The following AQP9 variants were observed in gnomAD, a reference collection of about 807,000 sequenced individuals.
The protein encoded by AQP9 is aquaporin-9.
AQP9 carries 19 observed loss-of-function variants against 23.8 expected under a neutral mutation model. That is an observed-to-expected ratio of 0.80 (90% CI 0.56 to 1.17). AQP9 has a LOEUF of 1.17. Among genes scored for constraint, AQP9 ranks in the 50% most tolerant of loss-of-function variants. AQP9 has a pLI of 0.00. For synonymous variants in AQP9, 153 were observed against 131.5 expected, an observed-to-expected ratio of 1.16 and a Z score of -1.12; for missense variants, 413 against 362.0, an observed-to-expected ratio of 1.14 and a Z score of -1.14.
chr15:58,152,151 C>G (rs1291816450), intron 1 of AQP9: 1 of 152,078 alleles, frequency 6.6e-6, no homozygotes, highest in African/African-American at 2.4e-5. Flanking sequence ...GAGTCCATAG[C>G]CGAATTATAT....
chr15:58,165,519 G>A (rs2140616150), intron 1 of AQP9, among the ~76,000 whole-genome samples: 1 of 152,284 alleles, frequency 6.6e-6, no homozygotes, highest in Non-Finnish European at 1.5e-5. Flanking sequence ...GAGAGATCAT[G>A]TACATAAAAA....
At chr15:58,151,343 A>G (rs957584123) in intron 1 of AQP9, 1 of 152,260 alleles carries the variant, frequency 6.6e-6, no homozygotes, top group South Asian at 2.1e-4. Flanking sequence ...TATTATTCCA[A>G]CAATTATACT....
Position 58,138,537 on chromosome 15 carries a change from G to C in AQP9, c.-29G>C, listed in dbSNP as rs1363624188. ...GGACCACAACAGGTAGGTATTGGTA[G>C]AAACAGGAGTCCTCAGAGAAGCCCC... On this transcript the variant is annotated 5_prime_UTR_variant, in exon 1 of 6. Transcript: ENST00000219919. 1 of 1,591,298 alleles carries C rather than the reference G, an allele frequency of 6.3e-7. No homozygotes were observed.
chr15:58,147,900 A>ACACG (rs1421437675), intron 1 of AQP9, among the ~76,000 whole-genome samples: 1 of 151,988 alleles, frequency 6.6e-6, no homozygotes, highest in Non-Finnish European at 1.5e-5. Context: ...GCACACACAC[A>ACACG]CACACACATA....
chr15:58,139,867 G>T (rs888816333), intron 1 of AQP9, among the ~76,000 whole-genome samples: 6 of 152,148 alleles, frequency 3.9e-5, no homozygotes, highest in African/African-American at 1.4e-4. Context: ...ATTCCTGGCT[G>T]CTCTGACCAC....
rs553588783 is a variant in AQP9 at position 58,180,194 on chromosome 15, G to A, written c.713+849G>A. 2.0e-5 allele frequency among the ~76,000 whole-genome samples: 3 copies of A among 152,232 alleles called. No homozygotes were observed. In the South Asian group the frequency reaches 6.2e-4, roughly 32 times the overall value. On this transcript the variant is annotated intron_variant, in intron 5 of 5. Coordinates refer to ENST00000219919, the MANE Select transcript of AQP9 (RefSeq NM_020980.5). ...ATCCACCCATGGCAACTTCCTATGG[G>A]GAAGGAGCTCACTTTGGTTCATCAG...
rs773508483 is a variant in AQP9 at position 58,173,037 on chromosome 15, G to C, written c.239-31G>C. ...TTCTGTATATTCTTCTTCCTAACCT[G>C]CCCTCTCACTTCTCCAATCTTCCCT... On this transcript the variant is annotated intron_variant, in intron 2 of 5. Transcript: ENST00000219919. The C allele has an allele frequency of 8.1e-6, 13 of 1,612,936 alleles. No homozygotes were observed. In the South Asian group the frequency reaches 1.4e-4, roughly 18 times the overall value.
intron 5 of AQP9, 150 bp from the exon 6 acceptor site, chr15:58,183,811 A>T (rs3742956): frequency 0.25 from 190,623 of 751,446 alleles, 26,163 homozygotes; most frequent in Middle Eastern, 0.33. Context: ...GGCAGTTGCC[A>T]TGCTGCACTG....
At chr15:58,167,145 T>A (rs182358920) in intron 2 of AQP9, among the ~76,000 whole-genome samples, 1 of 152,194 alleles carries the variant, frequency 6.6e-6, no homozygotes, top group Non-Finnish European at 1.5e-5. Flanking sequence ...AATAGCCCAG[T>A]GAAGGTCACT....
chr15:58,175,572 C>T (rs1898733803), intron 4 of AQP9, among the ~76,000 whole-genome samples: 4 of 152,208 alleles, frequency 2.6e-5, no homozygotes, highest in Admixed American at 2.6e-4. Context: ...ACCAATAGCA[C>T]ACCTATTTGG....
At chr15:58,140,864 T>C (rs1897938980) in intron 1 of AQP9, among the ~76,000 whole-genome samples, 1 of 152,100 alleles carries the variant, frequency 6.6e-6, no homozygotes, top group African/African-American at 2.4e-5. Flanking sequence ...TCTAACACCA[T>C]GGTATAAATT....
chr15:58,141,330 C>T (rs1477728533), intron 1 of AQP9, among the ~76,000 whole-genome samples: 1 of 152,212 alleles, frequency 6.6e-6, no homozygotes, highest in Admixed American at 6.5e-5. Flanking sequence ...GCTGTATTTC[C>T]TCCTGAGGTG....
chr15:58,166,820 A>C (rs1595738985), intron 2 of AQP9, 21 bp downstream of exon 2: 1 of 1,611,744 alleles, frequency 6.2e-7, no homozygotes, highest in East Asian at 2.2e-5. Context: ...GAAATAATGA[A>C]TGCTGCTCTT....
chr15:58,153,452 T>C (rs1191070234), intron 1 of AQP9: 1 of 152,146 alleles, frequency 6.6e-6, no homozygotes, highest in East Asian at 1.9e-4. Context: ...CACCACATTA[T>C]TAACAGCAAT....
At chr15:58,182,950 T>C (rs1898925811) in intron 5 of AQP9, among the ~76,000 whole-genome samples, 1 of 152,232 alleles carries the variant, frequency 6.6e-6, no homozygotes, top group Admixed American at 6.5e-5. Flanking sequence ...GACAGGGTTC[T>C]TGTGTCCTGC....
intron 1 of AQP9, among the ~76,000 whole-genome samples, chr15:58,158,777 T>C (rs1898314690): frequency 6.6e-6 from 1 of 152,190 alleles, no homozygotes; most frequent in Admixed American, 6.5e-5. Context: ...TGTTATTTTT[T>C]CCATTTTTGG....
intron 3 of AQP9, among the ~76,000 whole-genome samples, chr15:58,173,726 T>G (rs1327195855): frequency 2.6e-5 from 4 of 152,198 alleles, no homozygotes; most frequent in African/African-American, 9.6e-5. Flanking sequence ...AGACCAGACT[T>G]TAGCTCTAGC....
upstream of AQP9, chr15:58,138,241 T>C: frequency 5.8e-6 from 1 of 173,296 alleles, no homozygotes; most frequent in South Asian, 1.5e-4. Flanking sequence ...TCTCATCTCT[T>C]GAAAAAAACC....
chr15:58,154,295 T>A (rs1485312016), intron 1 of AQP9: 2 of 152,124 alleles, frequency 1.3e-5, no homozygotes, highest in Admixed American at 6.6e-5. Flanking sequence ...CACAAACTCA[T>A]ATAATCAGCC....
Sources: gnomAD v4.1 joint callset for allele counts (sites outside exome capture counted in the v4.1 genomes callset) on GRCh38, gnomAD v4.1.1 for gene constraint, MANE v1.5 for transcripts, NCBI Gene and HGNC (gene_info 2026-07-23, HGNC 2026-07-21) for gene names.